The following DEAF1 variants were observed in gnomAD, a reference collection of about 807,000 sequenced individuals.
The protein encoded by DEAF1 is DEAF1 transcription factor.
DEAF1 carries 53 observed loss-of-function variants against 58.9 expected under a neutral mutation model. That is an observed-to-expected ratio of 0.90 (90% CI 0.72 to 1.13). DEAF1 has a LOEUF of 1.13. Among genes scored for constraint, DEAF1 ranks in the 50% most tolerant of loss-of-function variants. DEAF1 has a pLI of 0.00. For missense variants in DEAF1, 685 were observed against 791.4 expected (o/e 0.87, Z 1.61); for synonymous variants, 385 against 340.4 (o/e 1.13, Z -1.44).
At chr11:647,815 AGCAGG>A (rs1858570532) in intron 11 of DEAF1, among the ~76,000 whole-genome samples, 1 of 151,424 alleles carries the variant, frequency 6.6e-6, no homozygotes, top group African/African-American at 2.4e-5. Context: ...CAGTGCTGGG[AGCAGG>A]TGGGTGGACT....
At chr11:691,018 A>T (rs73407114) in intron 2 of DEAF1, among the ~76,000 whole-genome samples, 28,722 of 152,262 alleles carry the variant, frequency 0.19, 3,553 homozygotes, top group African/African-American at 0.36. Context: ...TGAAGGTGGC[A>T]CAGACACTAT....
rs550067441 is a variant in DEAF1 at position 680,541 on chromosome 11, C to A, written c.997+422G>T. ...GAGAGCAGTGCCTGAGCCTGGGAGGCCGAGGCTGCAGCGAGCCGGGATCCT... is the reference window on the plus strand; with the variant it reads ...GAGAGCAGTGCCTGAGCCTGGGAGGACGAGGCTGCAGCGAGCCGGGATCCT... On this transcript the variant is annotated intron_variant, in intron 7 of 11. Coordinates refer to ENST00000382409, the MANE Select transcript of DEAF1 (RefSeq NM_021008.4). 5.8e-4 allele frequency among the ~76,000 whole-genome samples: 89 copies of A among 152,278 alleles called. No homozygotes were observed. In the Middle Eastern group the frequency reaches 0.01, roughly 17 times the overall value.
chr11:659,172 G>A (rs1859201690), intron 10 of DEAF1, among the ~76,000 whole-genome samples: 2 of 150,344 alleles, frequency 1.3e-5, no homozygotes, highest in Non-Finnish European at 2.9e-5. Flanking sequence ...CGGGAGCATC[G>A]CTTGAGCCCA....
chr11:699,817 G>C (rs1861361753), upstream of DEAF1: 1 of 292,786 alleles, frequency 3.4e-6, no homozygotes, highest in African/African-American at 2.2e-5. Context: ...CCAAAGGCAG[G>C]GTGACATCAC....
At chr11:674,388 G>T in intron 10 of DEAF1, 148 bp downstream of exon 10, 1 of 1,133,372 alleles carries the variant, frequency 8.8e-7, no homozygotes. Context: ...AGCTTCATTT[G>T]TAAATGACTC....
intron 6 of DEAF1, among the ~76,000 whole-genome samples, chr11:683,745 T>C (rs1458249134): frequency 1.3e-5 from 2 of 152,222 alleles, no homozygotes; most frequent in African/African-American, 2.4e-5. Flanking sequence ...AGTCTTCTAA[T>C]CCACGGGCGC....
chr11:694,666 G>T (rs1041722067), intron 1 of DEAF1, 93 bp downstream of exon 1: 2 of 1,175,890 alleles, frequency 1.7e-6, no homozygotes. Context: ...GACAGGTGTG[G>T]CGGGCTGGTC....
upstream of DEAF1, among the ~76,000 whole-genome samples, chr11:696,253 G>C (rs569908490): frequency 2.0e-5 from 3 of 152,256 alleles, no homozygotes; most frequent in Admixed American, 6.5e-5. Context: ...ACTCGCCTCC[G>C]AGAGGAGGAA....
rs201600076 is a variant in DEAF1, at chr11:686,880, C to T, written c.782G>A (p.Arg261Gln). Residue 261 changes from arginine (R) to glutamine (Q), a missense_variant, in exon 5 of 12, where the codon CGA becomes CAA. Arg to Gln is a conservative substitution (Grantham distance 43). Coordinates refer to ENST00000382409, the MANE Select transcript of DEAF1 (RefSeq NM_021008.4). ...TACCTGGATGAGGCACTGCAAGGGT[C>T]GGCCCGCGTAGCGAATGCTTCTTTT... is the stretch of plus-strand genomic sequence containing the variant. Reference protein sequence around the residue: ...DWKRSIRYAGRPLQCLIQDGI... With the variant: ...DWKRSIRYAGQPLQCLIQDGI... 5.6e-6 allele frequency: 9 copies of T among 1,614,194 alleles called. No homozygotes were observed. The highest frequency in any genetic ancestry group is 2.2e-5 in the South Asian group (2 of 91,080).
rs375758183 is a variant in DEAF1 at position 679,626 on chromosome 11, G to T, written c.1126+62C>A. 1.5e-5 allele frequency: 24 copies of T among 1,601,438 alleles called. No homozygotes were observed. In the East Asian group the frequency reaches 4.7e-4, roughly 31 times the overall value. ...CTATGCAGCCCAATGTGGCGTCGGG[G>T]ATGTGATGTCACAGACAGGGATATG... On this transcript the variant is annotated intron_variant, in intron 8 of 11. Transcript: ENST00000382409.
chr11:644,943 C>G lies in DEAF1; in HGVS notation c.1594-289G>C, dbSNP rs1858415697. ...TTTGGGAGGCCCAGGAGGGTGGATCCCCTGAGGTCAGGAGTTCGAGACCAG... is the reference window on the plus strand; with the variant it reads ...TTTGGGAGGCCCAGGAGGGTGGATCGCCTGAGGTCAGGAGTTCGAGACCAG... On this transcript the variant is annotated intron_variant, in intron 11 of 11. Transcript: ENST00000382409. The surrounding 1 kb of genome is among the most constrained non-coding windows in gnomAD (Gnocchi z 4.3). Among the ~76,000 whole-genome samples the G allele has an allele frequency of 6.6e-6, 1 of 152,046 alleles. No individual in the cohort carries two copies. Among genetic ancestry groups the G allele is most frequent in the Admixed American group, 6.6e-5 (1 of 15,248 alleles).
At position 644,564 on chromosome 11, in the gene DEAF1, T is replaced by C. The variant is rs1380886861; in HGVS notation, c.1684A>G (p.Lys562Glu). The part of the protein sequence containing the change: ...EVHVAESVME[K>E]VTV ...CCGATGGAGCCTCACACGGTCACCT[T>C]CTCCATCACGCTTTCAGCCACGTGG... is the stretch of plus-strand genomic sequence containing the variant. Residue 562 changes from lysine (K) to glutamate (E), a missense_variant, in exon 12 of 12, where the codon AAG becomes GAG. This residue lies in a region of DEAF1 where 343 missense variants were observed against 379.8 expected (regional missense o/e 0.90). Coordinates refer to ENST00000382409, the MANE Select transcript of DEAF1 (RefSeq NM_021008.4). This position sits in a 1 kb window ranked among gnomAD's most constrained non-coding sequence, Gnocchi z 4.3. 6.2e-7 allele frequency: 1 copy of C among 1,612,822 alleles called. No homozygotes were observed. The highest frequency in any genetic ancestry group is 8.5e-7 in the Non-Finnish European group (1 of 1,179,884).
chr11:655,519 G>A (rs1005835921), intron 10 of DEAF1, among the ~76,000 whole-genome samples: 9 of 142,338 alleles, frequency 6.3e-5, no homozygotes, highest in South Asian at 4.6e-4. Context: ...CTGCACGCCC[G>A]CTATGCGCCC....
intron 11 of DEAF1, 163 bp downstream of exon 11, chr11:653,799 A>T (rs1858909182): frequency 1.4e-6 from 1 of 693,852 alleles, no homozygotes. Flanking sequence ...AGCCTTCTGC[A>T]GGGTCTTCAC....
Position 679,677 on chromosome 11 carries a change from G to A in DEAF1, c.1126+11C>T. Reference sequence around the variant, plus strand: ...CTGAGGACGCGTCAGGCAGGCACTGGAGCAGCTCACCTGTGGCCCCTGCGA... The same window carrying A: ...CTGAGGACGCGTCAGGCAGGCACTGAAGCAGCTCACCTGTGGCCCCTGCGA... On this transcript the variant is annotated intron_variant, in intron 8 of 11. Coordinates refer to ENST00000382409, the MANE Select transcript of DEAF1 (RefSeq NM_021008.4). 6.2e-7 allele frequency: 1 copy of A among 1,610,788 alleles called. No individual in the cohort carries two copies.
intron 1 of DEAF1, chr11:702,992 C>T: frequency 1.2e-6 from 2 of 1,611,782 alleles, no homozygotes; most frequent in East Asian, 4.5e-5. Flanking sequence ...GGCCGCCAGC[C>T]TGGCCCTCAC....
chr11:694,794 C>T lies in DEAF1; in HGVS notation c.254G>A (p.Gly85Asp). The T allele has an allele frequency of 7.3e-7, 1 of 1,375,926 alleles. No homozygotes were observed. Among genetic ancestry groups the T allele is most frequent in the Non-Finnish European group, 9.4e-7 (1 of 1,067,224 alleles). 85.2% of individuals were successfully genotyped at this position (1,375,926 alleles called of 1,614,324 possible). The part of the protein sequence containing the change: ...HMDMGAEALP[G>D]PDEAAAAAAF... ...TGCGGCAGCGGCGGCCTCGTCGGGG[C>T]CGGGCAGGGCCTCGGCGCCCATGTC... The change falls in exon 1 of 12, where the codon GGC becomes GAC. Residue 85 changes from glycine (G) to aspartate (D), a missense_variant. Transcript: ENST00000382409.
chr11:652,533 GAGGCTGAGGT>G (rs1858823767), intron 11 of DEAF1, among the ~76,000 whole-genome samples: 1 of 152,052 alleles, frequency 6.6e-6, no homozygotes, highest in Non-Finnish European at 1.5e-5. Context: ...AGCTACTCGG[GAGGCTGAGGT>G]AGGAGAATCA....
At chr11:662,300 T>TA (rs1859353619) in intron 10 of DEAF1, among the ~76,000 whole-genome samples, 1 of 152,010 alleles carries the variant, frequency 6.6e-6, no homozygotes, top group Non-Finnish European at 1.5e-5. Flanking sequence ...AAAAAAAAAT[T>TA]ATGAGATTTT....
Sources: allele counts gnomAD v4.1 joint callset (sites outside exome capture counted in the v4.1 genomes callset), GRCh38; gene constraint gnomAD v4.1.1; regional missense constraint gnomAD v4.1.1; non-coding constraint Gnocchi (gnomAD v3.1); transcripts MANE v1.5; gene names NCBI Gene and HGNC (gene_info 2026-07-23, HGNC 2026-07-21).